Variants in PLXNA4 observed in about 807,000 individuals in gnomAD.
PLXNA4 encodes plexin A4.
In PLXNA4, 44 loss-of-function variants were observed where a neutral mutation model predicts 191.8. That is an observed-to-expected ratio of 0.23 (90% confidence interval 0.18 to 0.29). The LOEUF is 0.29. PLXNA4 is among the 10% of genes least tolerant of loss of function. The pLI is 1.00. For synonymous variants in PLXNA4, 1,082 were observed against 1,009.5 expected (o/e 1.07, Z -1.36); for missense variants, 1,800 against 2,488.8 (o/e 0.72, Z 5.89).
At position 132,587,625 on chromosome 7, in the gene PLXNA4, C is replaced by T. The variant is rs143508004; in HGVS notation, c.-87+58303G>A. On this transcript the variant is annotated intron_variant, in intron 2 of 4. Coordinates refer to the PLXNA4 transcript ENST00000378539. ...ATATTTATTAGGTGGAACCGGAATG[C>T]TTTGGGGGTAATTCCTAGGGAAGAG... Among the ~76,000 whole-genome samples, 364 of 152,192 alleles carry T rather than the reference C, an allele frequency of 2.4e-3. 3 individuals are homozygous for T. Among genetic ancestry groups the T allele is most frequent in the African/African-American group, 8.3e-3 (346 of 41,520 alleles).
At chr7:132,630,755 C>T (rs1803477964) in intron 2 of PLXNA4, among the ~76,000 whole-genome samples, 1 of 152,202 alleles carries the variant, frequency 6.6e-6, no homozygotes, top group Non-Finnish European at 1.5e-5. Flanking sequence ...TTGTGATCCG[C>T]CCACCTCGGC....
chr7:132,267,058 G>A (rs181689714), intron 4 of PLXNA4, among the ~76,000 whole-genome samples: 1 of 152,276 alleles, frequency 6.6e-6, no homozygotes, highest in Non-Finnish European at 1.5e-5. Context: ...GGGAATTCCT[G>A]AAACTGTCGC....
chr7:132,192,140 A>G (rs1014420111), intron 14 of PLXNA4, among the ~76,000 whole-genome samples: 37 of 152,156 alleles, frequency 2.4e-4, no homozygotes, highest in Non-Finnish European at 2.9e-5. Flanking sequence ...GTGTGGCACG[A>G]CACTCACGTT....
At chr7:132,501,657 G>A (rs913250734) in intron 2 of PLXNA4, among the ~76,000 whole-genome samples, 6 of 152,166 alleles carry the variant, frequency 3.9e-5, no homozygotes, top group Non-Finnish European at 8.8e-5. Flanking sequence ...AAACCCTGCT[G>A]GCCAAAAAGA....
At chr7:132,513,273 C>G (rs1384838691) in intron 1 of PLXNA4, among the ~76,000 whole-genome samples, 1 of 151,630 alleles carries the variant, frequency 6.6e-6, no homozygotes, top group Non-Finnish European at 1.5e-5. Context: ...TTTAAAATAG[C>G]AATTACCCTG....
chr7:132,561,596 TTCC>T (rs1175239444), intron 1 of PLXNA4, among the ~76,000 whole-genome samples: 2 of 80,710 alleles, frequency 2.5e-5, no homozygotes, highest in African/African-American at 5.2e-5. Context: ...CCTCCTTCTC[TTCC>T]TCCTCCTTCT....
At chr7:132,484,333 G>T (rs1180915898) in intron 3 of PLXNA4, among the ~76,000 whole-genome samples, 3 of 152,334 alleles carry the variant, frequency 2.0e-5, no homozygotes, top group South Asian at 4.1e-4. Flanking sequence ...TCTGTCTGTG[G>T]TTGAACGTGA....
At chr7:132,360,549 T>C (rs1803891948) in intron 3 of PLXNA4, among the ~76,000 whole-genome samples, 1 of 152,186 alleles carries the variant, frequency 6.6e-6, no homozygotes, top group African/African-American at 2.4e-5. Context: ...ATCCTTTCCT[T>C]AGCAAGCATA....
rs575980315 is a variant in PLXNA4, at chr7:132,316,983, T to G, written c.1372-18761A>C. Among the ~76,000 whole-genome samples the G allele has an allele frequency of 3.9e-5, 6 of 151,936 alleles. No individual in the cohort carries two copies. In the East Asian group the frequency reaches 1.2e-3, roughly 30 times the overall value. On this transcript the variant is annotated intron_variant, in intron 3 of 31. Transcript: ENST00000321063. ...GGTTAGGTTGGGCTGTGTTGTGTTG[T>G]ATTGGATTGGATTAGGTTGGGTTTT...
At chr7:132,389,789 T>C (rs1359237050) in intron 3 of PLXNA4, among the ~76,000 whole-genome samples, 5 of 152,230 alleles carry the variant, frequency 3.3e-5, no homozygotes, top group African/African-American at 4.8e-5. Context: ...AAGTAGTTTT[T>C]TTTCCAATTC....
intron 25 of PLXNA4, among the ~76,000 whole-genome samples, chr7:132,156,714 A>G (rs1272598283): frequency 6.6e-6 from 1 of 152,218 alleles, no homozygotes; most frequent in Non-Finnish European, 1.5e-5. Flanking sequence ...TTACATTTGT[A>G]AATTGCTCTT....
At chr7:132,132,410 C>CTGTTCTGT (rs1554447412) in intron 31 of PLXNA4, among the ~76,000 whole-genome samples, 3 of 39,162 alleles carry the variant, frequency 7.7e-5, no homozygotes, top group African/African-American at 3.7e-4. Flanking sequence ...CTGTTCTGTT[C>CTGTTCTGT]TGTTCTGTTC....
chr7:132,472,142 T>C (rs991084467), intron 3 of PLXNA4, among the ~76,000 whole-genome samples: 1 of 152,240 alleles, frequency 6.6e-6, no homozygotes, highest in African/African-American at 2.4e-5. Context: ...CTGACCTTTC[T>C]TTCCGATTCA....
chr7:132,423,982 G>A (rs1794944849), intron 3 of PLXNA4, among the ~76,000 whole-genome samples: 1 of 152,116 alleles, frequency 6.6e-6, no homozygotes, highest in Non-Finnish European at 1.5e-5. Flanking sequence ...GCCTCTCAGG[G>A]CTGCCCTCCC....
chr7:132,209,322 A>T (rs1414020895), intron 10 of PLXNA4, among the ~76,000 whole-genome samples: 1 of 152,246 alleles, frequency 6.6e-6, no homozygotes, highest in Non-Finnish European at 1.5e-5. Flanking sequence ...CCACAGCTTC[A>T]GATCCTCACC....
chr7:132,225,329 C>A (rs12707031), intron 8 of PLXNA4, among the ~76,000 whole-genome samples: 67,605 of 152,034 alleles, frequency 0.44, 15,645 homozygotes, highest in East Asian at 0.69. Flanking sequence ...GTAGGCAGAG[C>A]CGATATTCAG....
At position 132,227,040 on chromosome 7, in the gene PLXNA4, G is replaced by A. The variant is rs140530282; in HGVS notation, c.1882+411C>T. ...GGGAGACCCGGTAGGGCAGAGTTGG[G>A]GAGGCAGTGGTCCAGGGTCAGAGAT... On this transcript the variant is annotated intron_variant, in intron 7 of 31. Coordinates refer to ENST00000321063, the MANE Select transcript of PLXNA4 (RefSeq NM_020911.2). 1.1e-4 allele frequency among the ~76,000 whole-genome samples: 16 copies of A among 152,312 alleles called. No homozygotes were observed. The East Asian group carries it at 2.9e-3, about 28-fold the overall frequency.
At chr7:132,249,501 C>T (rs1410469148) in intron 4 of PLXNA4, among the ~76,000 whole-genome samples, 1 of 152,158 alleles carries the variant, frequency 6.6e-6, no homozygotes, top group Non-Finnish European at 1.5e-5. Flanking sequence ...TGCAGAGCGT[C>T]GAGAAATCAC....
intron 1 of PLXNA4, among the ~76,000 whole-genome samples, chr7:132,518,506 A>G (rs767987023): frequency 2.0e-5 from 3 of 152,060 alleles, no homozygotes; most frequent in Middle Eastern, 3.2e-3. Flanking sequence ...GAACTGTGAA[A>G]TTGATGACTG....
Sources: gnomAD v4.1 joint callset for allele counts (sites outside exome capture counted in the v4.1 genomes callset) on GRCh38, gnomAD v4.1.1 for gene constraint, MANE v1.5 for transcripts, NCBI Gene and HGNC (gene_info 2026-07-23, HGNC 2026-07-21) for gene names.